The following AATK variants were observed in gnomAD, a reference collection of about 807,000 sequenced individuals.
AATK encodes serine/threonine-protein kinase LMTK1.
AATK carries 91 observed loss-of-function variants against 114.3 expected under a neutral mutation model. The ratio of observed to expected loss-of-function variants is 0.80; its 90% CI spans 0.67 to 0.95. The LOEUF (loss-of-function observed/expected upper bound fraction) is 0.95. Ranked by LOEUF, AATK falls within the 40% of genes least tolerant of loss-of-function variation. The probability of loss-of-function intolerance (pLI) is 0.00; values close to 1 mark genes in which losing one functional copy is unlikely to be tolerated. For missense variants in AATK, 2,176 were observed against 1,965.2 expected, an observed-to-expected ratio of 1.11 and a Z score of -2.03; for synonymous variants, 1,075 against 916.5, an observed-to-expected ratio of 1.17 and a Z score of -3.12.
At chr17:81,159,164 A>C (rs1262408430) in intron 1 of AATK, among the ~76,000 whole-genome samples, 1 of 152,204 alleles carries the variant, frequency 6.6e-6, no homozygotes, top group Non-Finnish European at 1.5e-5. Context: ...AATGCAGGAA[A>C]GCCCCAGCTG....
At chr17:81,158,094 G>T (rs957889998) in intron 1 of AATK, among the ~76,000 whole-genome samples, 1 of 152,246 alleles carries the variant, frequency 6.6e-6, no homozygotes, top group Non-Finnish European at 1.5e-5. Flanking sequence ...CGGGCGTCGC[G>T]GATGCATGCC....
intron 1 of AATK, among the ~76,000 whole-genome samples, chr17:81,160,000 G>A (rs970974065): frequency 3.9e-5 from 6 of 152,156 alleles, no homozygotes; most frequent in Admixed American, 1.3e-4. Flanking sequence ...GCCACGCCCC[G>A]CCGTGAGAGG....
intron 1 of AATK, among the ~76,000 whole-genome samples, chr17:81,143,333 C>T (rs2061165652): frequency 6.6e-6 from 1 of 152,196 alleles, no homozygotes; most frequent in South Asian, 2.1e-4. Flanking sequence ...CAGGGCTGTC[C>T]CTAGGACCGG....
intron 1 of AATK, among the ~76,000 whole-genome samples, chr17:81,145,234 C>CAAAAAAAAAAA (rs761538299): frequency 8.3e-6 from 1 of 121,126 alleles, no homozygotes. Context: ...GAGACTCCAT[C>CAAAAAAAAAAA]AAAAAAAAAA....
Position 81,120,000 on chromosome 17 carries a change from A to G in AATK, c.3819T>C (p.Ser1273=), listed in dbSNP as rs1335025316. The part of the protein sequence containing the change: ...PPTFLRGSPG[S]PSAPNRPQQA... ...GCTGCGGCCGGTTGGGGGCGCTGGG[A>G]GAGCCGGGGCTCCCCCTAAGGAACG... The change falls in exon 12 of 14, where the codon TCT becomes TCC. Residue 1273 remains serine, a synonymous_variant. Coordinates refer to ENST00000326724, the MANE Select transcript of AATK (RefSeq NM_001080395.3). 1.4e-6 allele frequency: 2 copies of G among 1,445,098 alleles called. No homozygotes were observed. The highest frequency in any genetic ancestry group is 1.8e-6 in the Non-Finnish European group (2 of 1,098,472). 89.5% of individuals were successfully genotyped at this position (1,445,098 alleles called of 1,614,324 possible).
chr17:81,127,443 G>A, intron 6 of AATK, 140 bp downstream of exon 6: 1 of 807,512 alleles, frequency 1.2e-6, no homozygotes, highest in Non-Finnish European at 2.1e-6. Context: ...CCTCTGGAAG[G>A]TGGTGGGGGC....
At chr17:81,140,672 G>A (rs1567819399) in intron 1 of AATK, among the ~76,000 whole-genome samples, 4 of 133,708 alleles carry the variant, frequency 3.0e-5, no homozygotes, top group African/African-American at 9.1e-5. Flanking sequence ...GGGGCCGTGG[G>A]GACCATGGGG....
Position 81,117,627 on chromosome 17 carries a change from T to C in AATK, c.*775A>G, listed in dbSNP as rs2060581952. The C allele has an allele frequency of 2.0e-5, 3 of 152,232 alleles. No individual in the cohort carries two copies. The highest frequency in any genetic ancestry group is 7.2e-5 in the African/African-American group (3 of 41,438). The allele number at this position is 152,232 out of a possible 1,614,324, so 9.4% of individuals were successfully genotyped here. On this transcript the variant is annotated 3_prime_UTR_variant, in exon 14 of 14. Coordinates refer to ENST00000326724, the MANE Select transcript of AATK (RefSeq NM_001080395.3). ...GCAGCTGGGGCACAGGACCAGATAC[T>C]GCCCCACAGAGGGGAGCTGCCTGCA...
At chr17:81,132,346 AG>A (rs772417685) in intron 2 of AATK, among the ~76,000 whole-genome samples, 6 of 152,166 alleles carry the variant, frequency 3.9e-5, no homozygotes, top group Non-Finnish European at 7.4e-5. Flanking sequence ...GGGCTCCTCA[AG>A]TACGACGTGT....
At chr17:81,147,919 G>C (rs1347572043) in intron 1 of AATK, among the ~76,000 whole-genome samples, 1 of 152,058 alleles carries the variant, frequency 6.6e-6, no homozygotes, top group Non-Finnish European at 1.5e-5. Flanking sequence ...TATTTGATGA[G>C]CTTTGACGTC....
intron 1 of AATK, among the ~76,000 whole-genome samples, chr17:81,147,082 G>A (rs1053645497): frequency 2.6e-5 from 4 of 151,428 alleles, no homozygotes; most frequent in Admixed American, 1.3e-4. Context: ...CAAAAAAGAG[G>A]CCAGGCCTGG....
chr17:81,134,310 A>G, intron 2 of AATK, 58 bp downstream of exon 2: 3 of 1,593,520 alleles, frequency 1.9e-6, no homozygotes, highest in South Asian at 2.2e-5. Flanking sequence ...GGTCAAGTGG[A>G]CGCTACAGGC....
rs113119500 is a variant in AATK at position 81,163,577 on chromosome 17, C to T, written c.55+2361G>A. Among the ~76,000 whole-genome samples the T allele has an allele frequency of 1.1e-4, 17 of 152,362 alleles. No individual in the cohort carries two copies. The East Asian group carries it at 1.4e-3, about 12-fold the overall frequency. ...CCAAGAAATCCCCCAGCCACGCTCC[C>T]GAGTGTCAGGGAGATGGGGGAAGAG... On this transcript the variant is annotated intron_variant, in intron 1 of 13. Coordinates refer to ENST00000326724, the MANE Select transcript of AATK (RefSeq NM_001080395.3).
At chr17:81,162,468 G>A (rs2146425109) in intron 1 of AATK, among the ~76,000 whole-genome samples, 1 of 152,292 alleles carries the variant, frequency 6.6e-6, no homozygotes, top group East Asian at 1.9e-4. Context: ...CACACCTGGT[G>A]CCCGGGCAGT....
At chr17:81,130,477 C>T (rs2146323255) in intron 3 of AATK, among the ~76,000 whole-genome samples, 2 of 152,322 alleles carry the variant, frequency 1.3e-5, no homozygotes, top group South Asian at 4.1e-4. Flanking sequence ...CTGCCTGCAC[C>T]TGCACTCCTG....
At chr17:81,140,584 G>GTCT (rs1287153864) in intron 1 of AATK, among the ~76,000 whole-genome samples, 2 of 149,500 alleles carry the variant, frequency 1.3e-5, no homozygotes, top group African/African-American at 4.9e-5. Context: ...CATCCCGAGG[G>GTCT]TCTTTGGATG....
In AATK at chr17:81,131,167, G is replaced by A. The variant is rs1429152895; in HGVS notation, c.228C>T (p.Asp76=). 3.2e-6 allele frequency: 5 copies of A among 1,579,766 alleles called. No individual in the cohort carries two copies. The highest frequency in any genetic ancestry group is 3.4e-6 in the Non-Finnish European group (4 of 1,164,616). The change falls in exon 3 of 14, where the codon GAC becomes GAT. Residue 76 remains aspartate (D), a synonymous_variant. Coordinates refer to ENST00000326724, the MANE Select transcript of AATK (RefSeq NM_001080395.3). The part of the protein sequence containing the change: ...ENAEGDEYAA[D]LAQGSPATAA... ...CCGTGGCCGGGGAGCCCTGCGCCAGGTCGGCTGCGTACTCGTCCCCCTCCG... is the reference window on the plus strand; with the variant it reads ...CCGTGGCCGGGGAGCCCTGCGCCAGATCGGCTGCGTACTCGTCCCCCTCCG...
In AATK at chr17:81,126,928, G is replaced by A; in HGVS notation, c.622-368C>T. 3 of 931,050 alleles carry A rather than the reference G, an allele frequency of 3.2e-6. No homozygotes were observed. Among genetic ancestry groups the A allele is most frequent in the Non-Finnish European group, 2.7e-6 (2 of 745,022 alleles). The allele number at this position is 931,050 out of a possible 1,614,324, so 57.7% of individuals were successfully genotyped here. ...TGACCTGCCGAAAGCCCAGCCCCGG[G>A]ACGGTCAACGTCAGGAGTCCAGACG... On this transcript the variant is annotated intron_variant, in intron 6 of 13. Coordinates refer to ENST00000326724, the MANE Select transcript of AATK (RefSeq NM_001080395.3). This position sits in a 1 kb window ranked among gnomAD's most constrained non-coding sequence, Gnocchi z 5.1.
chr17:81,119,262 G>T lies in AATK; in HGVS notation c.4084+118C>A, dbSNP rs547993912. 9,314 of 1,104,884 alleles carry T rather than the reference G, an allele frequency of 8.4e-3. 162 individuals carry two copies. The highest frequency in any genetic ancestry group is 0.013 in the Middle Eastern group (43 of 3,202). The allele number at this position is 1,104,884 out of a possible 1,614,324, so 68.4% of individuals were successfully genotyped here. A position where few individuals can be genotyped will look rare whatever the true frequency, so the allele number is the denominator to read the frequency against. On this transcript the variant is annotated intron_variant, in intron 13 of 13. Coordinates refer to ENST00000326724, the MANE Select transcript of AATK (RefSeq NM_001080395.3). The stretch of plus-strand genomic sequence containing the variant: ...GGAAGGAGCGGGGCCGGGAAGGAGC[G>T]GAGCGGAGCGGAGCCGGGGCTGGCC...
Sources: gnomAD v4.1 joint callset for allele counts (sites outside exome capture counted in the v4.1 genomes callset) on GRCh38, gnomAD v4.1.1 for gene constraint, Gnocchi (gnomAD v3.1) non-coding constraint, MANE v1.5 for transcripts, NCBI Gene and HGNC (gene_info 2026-07-23, HGNC 2026-07-21) for gene names.